TIMP3: variants seen among roughly 807,000 people sequenced by gnomAD.
TIMP3 encodes TIMP metallopeptidase inhibitor 3, also known as metalloproteinase inhibitor 3.
TIMP3 carries 11 observed loss-of-function variants against 30.0 expected under a neutral mutation model. The ratio of observed to expected loss-of-function variants is 0.37; its 90% CI spans 0.23 to 0.61. The LOEUF (loss-of-function observed/expected upper bound fraction) is 0.61, where lower values mean the gene tolerates loss of function less well. Among genes scored for constraint, TIMP3 ranks in the 20% least tolerant of loss-of-function variants. The pLI, the probability that TIMP3 is intolerant of heterozygous loss-of-function variation, is 0.70. For synonymous variants in TIMP3, 112 were observed against 111.3 expected, an observed-to-expected ratio of 1.01 and a Z score of -0.04; for missense variants, 181 against 276.8, an observed-to-expected ratio of 0.65 and a Z score of 2.45.
At chr22:32,852,446 G>A (rs1296169759) in intron 2 of TIMP3, among the ~76,000 whole-genome samples, 1 of 152,174 alleles carries the variant, frequency 6.6e-6, no homozygotes, top group African/African-American at 2.4e-5. Context: ...AATCTTTGTA[G>A]GAGGGAAGAG....
chr22:32,829,990 G>A (rs1349468886), intron 1 of TIMP3, among the ~76,000 whole-genome samples: 1 of 152,244 alleles, frequency 6.6e-6, no homozygotes, highest in South Asian at 2.1e-4. Flanking sequence ...CACTGCACTT[G>A]GACTGATACC....
Position 32,832,611 on chromosome 22 carries a change from G to A in TIMP3, c.122-16841G>A, listed in dbSNP as rs1156237886. Among the ~76,000 whole-genome samples the A allele has an allele frequency of 2.7e-5, 4 of 150,874 alleles. 1 individual carries two copies. In the South Asian group the frequency reaches 6.3e-4, roughly 24 times the overall value. ...TGAGTACAGTTATTTAGTAGAGTAC[G>A]TAGAGTTATTCACTAAATCACATCA... is the stretch of plus-strand genomic sequence containing the variant. On this transcript the variant is annotated intron_variant, in intron 1 of 4. Coordinates refer to ENST00000266085, the MANE Select transcript of TIMP3 (RefSeq NM_000362.5).
At chr22:32,812,841 C>T (rs1412784129) in intron 1 of TIMP3, among the ~76,000 whole-genome samples, 3 of 152,210 alleles carry the variant, frequency 2.0e-5, no homozygotes, top group Admixed American at 1.3e-4. Flanking sequence ...ACCCCAGTGA[C>T]AGGATAGAAA....
intron 1 of TIMP3, among the ~76,000 whole-genome samples, chr22:32,806,129 A>G (rs773071792): frequency 8.5e-5 from 13 of 152,088 alleles, no homozygotes; most frequent in Non-Finnish European, 1.9e-4. Context: ...TCTTCCCTTA[A>G]AGGTGGGATC....
chr22:32,831,680 A>T (rs1031476513), intron 1 of TIMP3, among the ~76,000 whole-genome samples: 5 of 152,108 alleles, frequency 3.3e-5, no homozygotes, highest in Non-Finnish European at 5.9e-5. Context: ...AGAGCAAAAG[A>T]CCTTACTTGG....
rs397690270 is a variant in TIMP3 at position 32,861,176 on chromosome 22, GA to G, written c.*1812del. On this transcript the variant is annotated 3_prime_UTR_variant, in exon 5 of 5. Transcript: ENST00000266085. ...AGAGCTGCCAATTGAAACAGAAGAA[GA>G]AAAAAAAAAAAAGCAGCAGACAACA... 75,983 of 143,064 alleles carry G rather than the reference GA, an allele frequency of 0.53. 20,347 individuals are homozygous for G. Among genetic ancestry groups the G allele is most frequent in the African/African-American group, 0.67 (26,483 of 39,498 alleles). The allele number at this position is 143,064 out of a possible 1,614,324, so 8.9% of individuals were successfully genotyped here.
rs567705340 is a variant in TIMP3, at chr22:32,860,536, T to C, written c.*1159T>C. ...ATCATGACATTCCAAGTTGACATTT[T>C]TTTTTCATTTTAATTAAAATTTGAA... On this transcript the variant is annotated 3_prime_UTR_variant, in exon 5 of 5. Coordinates refer to ENST00000266085, the MANE Select transcript of TIMP3 (RefSeq NM_000362.5). 3 of 152,788 alleles carry C rather than the reference T, an allele frequency of 2.0e-5. No homozygotes were observed. The South Asian group carries it at 6.2e-4, about 32-fold the overall frequency. The allele number at this position is 152,788 out of a possible 1,614,324, so 9.5% of individuals were successfully genotyped here. A position where few individuals can be genotyped will look rare whatever the true frequency, so the allele number is the denominator to read the frequency against.
chr22:32,851,223 C>T (rs889410388), intron 2 of TIMP3, among the ~76,000 whole-genome samples: 1 of 152,176 alleles, frequency 6.6e-6, no homozygotes, highest in Admixed American at 6.5e-5. Flanking sequence ...GTTCAGAAAA[C>T]ACACGAACCT....
intron 2 of TIMP3, among the ~76,000 whole-genome samples, chr22:32,851,142 C>T (rs938031422): frequency 3.9e-5 from 6 of 152,092 alleles, no homozygotes; most frequent in African/African-American, 1.2e-4. Flanking sequence ...GCAACAACAA[C>T]GCAAAAAGCC....
At chr22:32,809,316 G>A (rs567903398) in intron 1 of TIMP3, among the ~76,000 whole-genome samples, 4 of 152,298 alleles carry the variant, frequency 2.6e-5, no homozygotes, top group Admixed American at 1.3e-4. Flanking sequence ...TACCCATTTT[G>A]CGACCTCTCC....
At chr22:32,804,187 G>A (rs1386015739) in intron 1 of TIMP3, among the ~76,000 whole-genome samples, 2 of 152,196 alleles carry the variant, frequency 1.3e-5, no homozygotes, top group Non-Finnish European at 2.9e-5. Context: ...GCTCTGGCAC[G>A]GATCCCAAAT....
intron 1 of TIMP3, among the ~76,000 whole-genome samples, chr22:32,842,761 G>T (rs114121977): frequency 6.6e-6 from 1 of 152,258 alleles, no homozygotes; most frequent in Non-Finnish European, 1.5e-5. Context: ...AAGCCTTGCC[G>T]GGGAGCACAA....
intron 1 of TIMP3, among the ~76,000 whole-genome samples, chr22:32,822,402 C>T (rs2047275730): frequency 6.6e-6 from 1 of 152,152 alleles, no homozygotes; most frequent in African/African-American, 2.4e-5. Flanking sequence ...CTTGCACTTC[C>T]TATCCTCATG....
At chr22:32,810,877 G>T (rs11704261) in intron 1 of TIMP3, among the ~76,000 whole-genome samples, 13,989 of 152,192 alleles carry the variant, frequency 0.092, 794 homozygotes, top group Admixed American at 0.16. Context: ...TCATGAATAA[G>T]CTCCCTGCCT....
intron 2 of TIMP3, among the ~76,000 whole-genome samples, chr22:32,851,358 A>C (rs965959889): frequency 7.9e-5 from 12 of 152,108 alleles, no homozygotes; most frequent in African/African-American, 2.9e-4. Flanking sequence ...GGGCCTGGAG[A>C]CCAGGGTGAC....
In TIMP3 at chr22:32,801,985, C is replaced by G. The variant is rs1283772418; in HGVS notation, c.-17C>G. The G allele has an allele frequency of 6.3e-7, 1 of 1,581,860 alleles. No homozygotes were observed. The highest frequency in any genetic ancestry group is 1.3e-5 in the African/African-American group (1 of 74,404). Reference sequence around the variant, plus strand: ...GAGAGGCGAGCAGCAGCCCCGGCAGCGGCGGCAGCAGCGGCAATGACCCCT... The same window carrying G: ...GAGAGGCGAGCAGCAGCCCCGGCAGGGGCGGCAGCAGCGGCAATGACCCCT... On this transcript the variant is annotated 5_prime_UTR_variant, in exon 1 of 5. Coordinates refer to ENST00000266085, the MANE Select transcript of TIMP3 (RefSeq NM_000362.5). The surrounding 1 kb of genome is among the most constrained non-coding windows in gnomAD (Gnocchi z 4.7).
chr22:32,843,835 C>G (rs1007714396), intron 1 of TIMP3, among the ~76,000 whole-genome samples: 3 of 152,132 alleles, frequency 2.0e-5, no homozygotes, highest in Admixed American at 2.0e-4. Context: ...ACTAACCAGA[C>G]GTCCCTTACT....
At chr22:32,833,415 A>G (rs2047635943) in intron 1 of TIMP3, among the ~76,000 whole-genome samples, 1 of 152,228 alleles carries the variant, frequency 6.6e-6, no homozygotes, top group East Asian at 1.9e-4. Flanking sequence ...AGTCCAAAGG[A>G]GAATTTTTTT....
intron 1 of TIMP3, among the ~76,000 whole-genome samples, chr22:32,835,156 C>T (rs975327231): frequency 6.6e-5 from 10 of 152,168 alleles, no homozygotes; most frequent in African/African-American, 2.4e-4. Flanking sequence ...ATTGCACATA[C>T]TGGGTGACAG....
Sources: allele counts gnomAD v4.1 joint callset (sites outside exome capture counted in the v4.1 genomes callset), GRCh38; gene constraint gnomAD v4.1.1; non-coding constraint Gnocchi (gnomAD v3.1); transcripts MANE v1.5; gene names NCBI Gene and HGNC (gene_info 2026-07-23, HGNC 2026-07-21).